The following PPFIA2 variants were observed in gnomAD, a reference collection of about 807,000 sequenced individuals.
PPFIA2 encodes PPFI scaffold protein A2.
PPFIA2 carries 46 observed loss-of-function variants against 175.5 expected under a neutral mutation model. The ratio of observed to expected loss-of-function variants is 0.26; its 90% CI spans 0.21 to 0.34. The LOEUF is 0.34. Ranked by LOEUF, PPFIA2 falls within the 10% of genes least tolerant of loss-of-function variation. PPFIA2 has a pLI of 1.00. For synonymous variants in PPFIA2, 568 were observed against 511.4 expected (o/e 1.11, Z -1.49); for missense variants, 1,179 against 1,506.1 (o/e 0.78, Z 3.60).
chr12:81,663,063 A>G (rs1054897522), intron 4 of PPFIA2, among the ~76,000 whole-genome samples: 1 of 152,216 alleles, frequency 6.6e-6, no homozygotes, highest in African/African-American at 2.4e-5. Flanking sequence ...CAAAATAATA[A>G]GAGCTATTTA....
chr12:81,527,777 T>C (rs531066357), intron 4 of PPFIA2, among the ~76,000 whole-genome samples: 1 of 152,196 alleles, frequency 6.6e-6, no homozygotes, highest in Non-Finnish European at 1.5e-5. Context: ...AATTAGATGA[T>C]GTCATGAGGG....
intron 4 of PPFIA2, among the ~76,000 whole-genome samples, chr12:81,613,904 A>G (rs1045109256): frequency 2.0e-5 from 3 of 152,128 alleles, no homozygotes; most frequent in African/African-American, 2.4e-5. Context: ...TACTTATTCT[A>G]AGATTATTAC....
At chr12:81,634,403 C>G (rs565368447) in intron 4 of PPFIA2, among the ~76,000 whole-genome samples, 1 of 151,964 alleles carries the variant, frequency 6.6e-6, no homozygotes. Flanking sequence ...ATTTTGTATT[C>G]TTTAAAGCAC....
At chr12:81,717,509 G>A (rs11114989) in intron 3 of PPFIA2, among the ~76,000 whole-genome samples, 52,015 of 151,384 alleles carry the variant, frequency 0.34, 9,684 homozygotes, top group Middle Eastern at 0.5. Flanking sequence ...AAGGTGCTGG[G>A]TGTACTTATT....
At position 81,341,208 on chromosome 12, in the gene PPFIA2, T is replaced by C. The variant is rs1275569068; in HGVS notation, c.2263A>G (p.Ile755Val). ...PSDLRKHRRKIAVVEEDGRED... is the reference protein window; with the variant it reads ...PSDLRKHRRKVAVVEEDGRED... ...CGACCATCTTCTTCCACAACTGCAA[T>C]CTAGAAGCAAAAACAATACATTCAA... The change falls in exon 20 of 33, where the codon ATT becomes GTT. Residue 755 changes from isoleucine (I) to valine (V), a missense_variant and splice_region_variant. Coordinates refer to ENST00000549396, the MANE Select transcript of PPFIA2 (RefSeq NM_003625.5). 2 of 1,610,074 alleles carry C rather than the reference T, an allele frequency of 1.2e-6. No homozygotes were observed. The highest frequency in any genetic ancestry group is 4.5e-5 in the East Asian group (2 of 44,812).
intron 22 of PPFIA2, chr12:81,312,260 C>G (rs1212761583): frequency 1.2e-5 from 15 of 1,224,164 alleles, no homozygotes; most frequent in Non-Finnish European, 1.7e-5. Flanking sequence ...TGGAATAAAA[C>G]AAGAGCATTA....
chr12:81,580,482 T>C (rs1445780130), intron 4 of PPFIA2, among the ~76,000 whole-genome samples: 1 of 151,754 alleles, frequency 6.6e-6, no homozygotes, highest in Non-Finnish European at 1.5e-5. Context: ...CAGATTGAAA[T>C]GGAATATCTA....
intron 28 of PPFIA2, among the ~76,000 whole-genome samples, chr12:81,269,397 A>T (rs2057276356): frequency 6.6e-6 from 1 of 152,250 alleles, no homozygotes; most frequent in African/African-American, 2.4e-5. Flanking sequence ...TTTCAGACAA[A>T]GTATAAAAAT....
intron 4 of PPFIA2, among the ~76,000 whole-genome samples, chr12:81,650,702 T>C (rs891238898): frequency 3.3e-5 from 5 of 152,186 alleles, no homozygotes; most frequent in African/African-American, 1.2e-4. Context: ...ATCAATTTTT[T>C]CCTCTTTAAT....
chr12:81,439,131 C>T (rs1162410501), intron 7 of PPFIA2, among the ~76,000 whole-genome samples: 3 of 150,914 alleles, frequency 2.0e-5, no homozygotes, highest in Admixed American at 2.0e-4. Context: ...ATTTTAATGG[C>T]TGACACAGGT....
At chr12:81,301,393 T>C (rs1472939981) in intron 22 of PPFIA2, among the ~76,000 whole-genome samples, 1 of 152,160 alleles carries the variant, frequency 6.6e-6, no homozygotes, top group Non-Finnish European at 1.5e-5. Flanking sequence ...CAAGTAAATA[T>C]GCACTAATAA....
At chr12:81,374,424 T>C (rs2035895731) in intron 11 of PPFIA2, among the ~76,000 whole-genome samples, 1 of 152,140 alleles carries the variant, frequency 6.6e-6, no homozygotes, top group South Asian at 2.1e-4. Context: ...AATGTTTAAA[T>C]AGGCAGGGGG....
At chr12:81,451,966 G>A (rs942660953) in intron 5 of PPFIA2, among the ~76,000 whole-genome samples, 1 of 152,150 alleles carries the variant, frequency 6.6e-6, no homozygotes, top group Non-Finnish European at 1.5e-5. Flanking sequence ...CTCACAGAAA[G>A]TACAAATGGA....
chr12:81,342,551 T>C (rs2058301795), intron 19 of PPFIA2, among the ~76,000 whole-genome samples: 1 of 152,160 alleles, frequency 6.6e-6, no homozygotes, highest in Non-Finnish European at 1.5e-5. Flanking sequence ...GTAGGCATTT[T>C]TATATAATTC....
chr12:81,350,214 C>A (rs1309292480), intron 17 of PPFIA2, among the ~76,000 whole-genome samples: 6 of 152,094 alleles, frequency 3.9e-5, no homozygotes, highest in Non-Finnish European at 8.8e-5. Context: ...GTAAATTCGA[C>A]CATTAGCTGA....
chr12:81,493,754 C>CTATATA (rs5799531), intron 4 of PPFIA2, among the ~76,000 whole-genome samples: 1,599 of 101,948 alleles, frequency 0.016, 31 homozygotes, highest in East Asian at 0.038. Context: ...GTGTGTGTGT[C>CTATATA]TATATATATA....
intron 4 of PPFIA2, among the ~76,000 whole-genome samples, chr12:81,661,414 A>G (rs1468760418): frequency 6.6e-6 from 1 of 152,200 alleles, no homozygotes; most frequent in Non-Finnish European, 1.5e-5. Flanking sequence ...CTCTGGTAAA[A>G]CAGACTTTAA....
intron 3 of PPFIA2, among the ~76,000 whole-genome samples, chr12:81,704,340 A>G (rs116609371): frequency 6.6e-6 from 1 of 152,154 alleles, no homozygotes; most frequent in Admixed American, 6.5e-5. Flanking sequence ...TGTGCCCAAA[A>G]TACTGCCTGG....
intron 22 of PPFIA2, among the ~76,000 whole-genome samples, chr12:81,300,180 A>T (rs917471574): frequency 6.6e-6 from 1 of 152,202 alleles, no homozygotes; most frequent in Non-Finnish European, 1.5e-5. Context: ...CCAATTTGAG[A>T]TCACTCATTG....
Sources: allele counts gnomAD v4.1 joint callset (sites outside exome capture counted in the v4.1 genomes callset), GRCh38; gene constraint gnomAD v4.1.1; transcripts MANE v1.5; gene names NCBI Gene and HGNC (gene_info 2026-07-23, HGNC 2026-07-21).